Variants in CERS6 observed in about 807,000 individuals in gnomAD.
CERS6 encodes the protein ceramide synthase 6, also known as LAG1 homolog, ceramide synthase 6.
Under a neutral mutation model 56.8 loss-of-function variants are expected in CERS6, and 26 were observed. The ratio of observed to expected loss-of-function variants is 0.46; its 90% confidence interval spans 0.34 to 0.63. The LOEUF is 0.63. CERS6 is among the 30% of genes least tolerant of loss of function. CERS6 has a pLI of 0.01. For missense variants in CERS6, 415 were observed against 467.5 expected (o/e 0.89, Z 1.04); for synonymous variants, 164 against 173.3 (o/e 0.95, Z 0.42).
intron 4 of CERS6, among the ~76,000 whole-genome samples, chr2:168,684,603 T>A (rs527671182): frequency 6.6e-6 from 1 of 152,186 alleles, no homozygotes; most frequent in Non-Finnish European, 1.5e-5. Context: ...TTAATATAGA[T>A]ATTGAACATT....
chr2:168,466,703 TTC>T (rs1363088724), intron 1 of CERS6, among the ~76,000 whole-genome samples: 2 of 152,214 alleles, frequency 1.3e-5, no homozygotes, highest in African/African-American at 4.8e-5. Context: ...AACTTCCTTT[TTC>T]TCTCTACTGG....
chr2:168,637,506 G>A (rs1027713501), intron 4 of CERS6, among the ~76,000 whole-genome samples: 1 of 151,976 alleles, frequency 6.6e-6, no homozygotes, highest in East Asian at 1.9e-4. Flanking sequence ...AATTACACAG[G>A]AACACTAAAT....
intron 4 of CERS6, among the ~76,000 whole-genome samples, chr2:168,670,000 C>T (rs930300322): frequency 4.6e-5 from 7 of 152,280 alleles, no homozygotes; most frequent in East Asian, 1.9e-4. Flanking sequence ...TATACTCCAT[C>T]GGATTCATTT....
At chr2:168,642,974 C>T (rs1323817989) in intron 4 of CERS6, among the ~76,000 whole-genome samples, 1 of 152,168 alleles carries the variant, frequency 6.6e-6, no homozygotes, top group Non-Finnish European at 1.5e-5. Flanking sequence ...AACACAGTTT[C>T]TTAATAGGAT....
intron 3 of CERS6, among the ~76,000 whole-genome samples, chr2:168,598,846 A>T (rs949937316): frequency 1.1e-4 from 16 of 152,190 alleles, no homozygotes; most frequent in African/African-American, 3.6e-4. Context: ...GTAAGTTTGG[A>T]TAGAGTAGGT....
chr2:168,701,583 G>C (rs1490804863), intron 6 of CERS6, among the ~76,000 whole-genome samples: 1 of 152,246 alleles, frequency 6.6e-6, no homozygotes, highest in Non-Finnish European at 1.5e-5. Context: ...TTTCACCTGA[G>C]AATGTTCTTG....
chr2:168,596,250 T>A (rs912006691), intron 3 of CERS6, among the ~76,000 whole-genome samples: 1 of 152,114 alleles, frequency 6.6e-6, no homozygotes, highest in African/African-American at 2.4e-5. Flanking sequence ...TTGGATCTTA[T>A]TGAGGGTACC....
chr2:168,666,591 A>G (rs1295165232), intron 4 of CERS6, among the ~76,000 whole-genome samples: 1 of 152,216 alleles, frequency 6.6e-6, no homozygotes, highest in African/African-American at 2.4e-5. Flanking sequence ...ATATTTTGGT[A>G]TAAACATTTA....
chr2:168,537,445 G>A (rs1022997349), intron 1 of CERS6, among the ~76,000 whole-genome samples: 1 of 151,950 alleles, frequency 6.6e-6, no homozygotes, highest in African/African-American at 2.4e-5. Flanking sequence ...CTTATTTTAG[G>A]GAGAGTGGCT....
chr2:168,768,475 CA>C (rs1684779209), intron 9 of CERS6, among the ~76,000 whole-genome samples: 2 of 151,062 alleles, frequency 1.3e-5, no homozygotes, highest in Non-Finnish European at 2.9e-5. Flanking sequence ...TCAGGTGATC[CA>C]CCCACCTCAG....
chr2:168,596,380 T>G (rs548453766), intron 3 of CERS6, among the ~76,000 whole-genome samples: 8 of 152,290 alleles, frequency 5.3e-5, no homozygotes, highest in Non-Finnish European at 1.5e-5. Flanking sequence ...TAGTTTTTAC[T>G]GGGCTTCCCA....
At chr2:168,583,970 G>A (rs1437563903) in intron 3 of CERS6, among the ~76,000 whole-genome samples, 4 of 152,196 alleles carry the variant, frequency 2.6e-5, no homozygotes, top group Non-Finnish European at 5.9e-5. Context: ...TACTTAGAAT[G>A]TACCAAGATC....
intron 1 of CERS6, among the ~76,000 whole-genome samples, chr2:168,502,057 C>G (rs1257356596): frequency 6.6e-6 from 1 of 152,108 alleles, no homozygotes; most frequent in East Asian, 1.9e-4. Context: ...CTGGAGGGGG[C>G]TTTAGGGACT....
intron 3 of CERS6, among the ~76,000 whole-genome samples, chr2:168,600,147 C>T (rs967260190): frequency 6.6e-6 from 1 of 150,868 alleles, no homozygotes; most frequent in East Asian, 1.9e-4. Flanking sequence ...TCTGCTTAGT[C>T]GTGGGTAAAC....
chr2:168,523,307 A>G (rs574444060), intron 1 of CERS6, among the ~76,000 whole-genome samples: 264 of 152,322 alleles, frequency 1.7e-3, no homozygotes, highest in Middle Eastern at 0.017. Flanking sequence ...TTGTTCTCTT[A>G]TCAGGGAAGA....
chr2:168,632,226 A>G (rs536020835), intron 4 of CERS6, among the ~76,000 whole-genome samples: 18 of 152,146 alleles, frequency 1.2e-4, no homozygotes, highest in Non-Finnish European at 2.5e-4. Context: ...AAAGTTCTCT[A>G]TAGTATTAGC....
At chr2:168,686,413 A>G (rs1057215268) in intron 4 of CERS6, among the ~76,000 whole-genome samples, 2 of 149,280 alleles carry the variant, frequency 1.3e-5, no homozygotes, top group Non-Finnish European at 3.0e-5. Context: ...AAATAAATAA[A>G]TGAATAAATA....
chr2:168,746,775 G>GGGCA lies in CERS6; in HGVS notation c.846-18817_846-18816insGGCA, dbSNP rs1211266646. On this transcript the variant is annotated intron_variant, in intron 8 of 9. Transcript: ENST00000305747. ...CCAAACTGATTTAAAAGGGTAAAGG[G>GGGCA]TATATATATATATATATATATATAT... 1.5e-4 allele frequency among the ~76,000 whole-genome samples: 6 copies of GGGCA among 38,992 alleles called. 1 individual carries two copies. Among genetic ancestry groups the GGGCA allele is most frequent in the Non-Finnish European group, 2.2e-4 (4 of 18,522 alleles). 25.6% of individuals were successfully genotyped at this position (38,992 alleles called of 152,430 possible).
chr2:168,743,801 A>C (rs78449659), intron 8 of CERS6, among the ~76,000 whole-genome samples: 1 of 152,110 alleles, frequency 6.6e-6, no homozygotes, highest in Non-Finnish European at 1.5e-5. Flanking sequence ...TTCACTCACT[A>C]GGTATCCAGC....
Sources: gnomAD v4.1 joint callset for allele counts (sites outside exome capture counted in the v4.1 genomes callset) on GRCh38, gnomAD v4.1.1 for gene constraint, MANE v1.5 for transcripts, NCBI Gene and HGNC (gene_info 2026-07-23, HGNC 2026-07-21) for gene names.